TRPM3: variants seen among roughly 807,000 people sequenced by gnomAD.
TRPM3 encodes transient receptor potential cation channel subfamily M member 3.
A neutral mutation model predicts 181.2 loss-of-function variants in TRPM3; 77 were observed. The ratio of observed to expected loss-of-function variants is 0.42; its 90% CI spans 0.35 to 0.51. TRPM3 has a LOEUF of 0.51. Ranked by LOEUF, TRPM3 falls within the 20% of genes least tolerant of loss-of-function variation. The pLI, the probability that TRPM3 is intolerant of heterozygous loss-of-function variation, is 0.01. For synonymous variants in TRPM3, 745 were observed against 796.4 expected (o/e 0.94, Z 1.09); for missense variants, 1,759 against 2,196.7 (o/e 0.80, Z 3.98).
intron 1 of TRPM3, among the ~76,000 whole-genome samples, chr9:71,113,413 G>C (rs1264677058): frequency 2.0e-5 from 3 of 152,160 alleles, no homozygotes; most frequent in Non-Finnish European, 4.4e-5. Context: ...AGATAGTATA[G>C]AGGAAAAGGA....
intron 1 of TRPM3, among the ~76,000 whole-genome samples, chr9:71,179,749 T>G (rs2077292227): frequency 6.6e-6 from 1 of 152,142 alleles, no homozygotes; most frequent in Non-Finnish European, 1.5e-5. Flanking sequence ...AACCTACATA[T>G]ATTCCCATCA....
At chr9:71,172,257 A>G (rs2076903782) in intron 1 of TRPM3, among the ~76,000 whole-genome samples, 1 of 152,098 alleles carries the variant, frequency 6.6e-6, no homozygotes, top group Non-Finnish European at 1.5e-5. Context: ...TTGAAACTGT[A>G]GAATTTAGCC....
rs139465863 is a variant in TRPM3 at position 70,595,550 on chromosome 9, G to A, written c.3048+2869C>T. On this transcript the variant is annotated intron_variant, in intron 21 of 25. Coordinates refer to ENST00000677713, the MANE Select transcript of TRPM3 (RefSeq NM_001366145.2). The stretch of plus-strand genomic sequence containing the variant: ...AGCAGTGTCAAGGTTGAGAAAATGT[G>A]GCCTAATTTTATAGCTATTATAGTT... Among the ~76,000 whole-genome samples the A allele has an allele frequency of 4.0e-3, 614 of 152,226 alleles. 3 individuals are homozygous for A. The highest frequency in any genetic ancestry group is 6.0e-3 in the South Asian group (29 of 4,824).
At chr9:70,973,458 A>G (rs533555888) in intron 1 of TRPM3, among the ~76,000 whole-genome samples, 1 of 152,304 alleles carries the variant, frequency 6.6e-6, no homozygotes, top group African/African-American at 2.4e-5. Context: ...TTAGGCCATT[A>G]ATATCCTACA....
At chr9:70,747,747 C>T (rs11142562) in intron 8 of TRPM3, among the ~76,000 whole-genome samples, 2 of 151,834 alleles carry the variant, frequency 1.3e-5, no homozygotes, top group Admixed American at 6.6e-5. Context: ...TACTATCTGC[C>T]ACTTTACAGA....
chr9:70,553,147 A>T lies in TRPM3; in HGVS notation c.3374+13T>A. ...TCCTCATCCATCCCACGTGCTCCAA[A>T]GGACCCACTTACTTAAAGACAGCAA... On this transcript the variant is annotated intron_variant, in intron 23 of 25. Transcript: ENST00000677713. The T allele has an allele frequency of 6.2e-7, 1 of 1,614,156 alleles. No homozygotes were observed. Among genetic ancestry groups the T allele is most frequent in the South Asian group, 1.1e-5 (1 of 91,080 alleles).
intron 1 of TRPM3, among the ~76,000 whole-genome samples, chr9:71,371,926 C>T (rs554710481): frequency 3.9e-5 from 6 of 152,162 alleles, no homozygotes; most frequent in Non-Finnish European, 8.8e-5. Context: ...CAGATCCTCT[C>T]ATCACCTAGG....
intron 1 of TRPM3, among the ~76,000 whole-genome samples, chr9:71,351,559 G>T (rs1179801278): frequency 6.6e-6 from 1 of 152,094 alleles, no homozygotes; most frequent in East Asian, 1.9e-4. Flanking sequence ...ATAAATCATT[G>T]TCTTTTTAAA....
intron 1 of TRPM3, among the ~76,000 whole-genome samples, chr9:71,067,010 C>T (rs761494700): frequency 3.9e-5 from 6 of 152,136 alleles, no homozygotes; most frequent in Non-Finnish European, 7.3e-5. Flanking sequence ...GTTAGTGCCA[C>T]GGTACCACAT....
intron 1 of TRPM3, among the ~76,000 whole-genome samples, chr9:71,080,964 C>G (rs1402075547): frequency 6.6e-6 from 1 of 152,052 alleles, no homozygotes; most frequent in Non-Finnish European, 1.5e-5. Context: ...ATTCTGGAAT[C>G]AACTGTGTAC....
intron 1 of TRPM3, among the ~76,000 whole-genome samples, chr9:70,876,304 CATATATAGACATAT>C (rs1357097410): frequency 1.5e-5 from 2 of 132,758 alleles, no homozygotes; most frequent in East Asian, 4.8e-4. Flanking sequence ...TAGACATATA[CATATATAGACATAT>C]ATATATATAA....
chr9:70,897,891 T>C (rs1025377955), intron 1 of TRPM3, among the ~76,000 whole-genome samples: 14 of 152,200 alleles, frequency 9.2e-5, no homozygotes, highest in Non-Finnish European at 2.9e-5. Context: ...TGGTAAATTA[T>C]AGCAAGGCTC....
intron 1 of TRPM3, among the ~76,000 whole-genome samples, chr9:71,313,384 T>C (rs890662689): frequency 6.6e-6 from 1 of 152,166 alleles, no homozygotes; most frequent in African/African-American, 2.4e-5. Flanking sequence ...AATTTCTAGA[T>C]GACCTGTCTG....
chr9:70,663,607 T>C (rs1164045387), intron 9 of TRPM3, among the ~76,000 whole-genome samples: 1 of 152,222 alleles, frequency 6.6e-6, no homozygotes, highest in Non-Finnish European at 1.5e-5. Context: ...ATTTATATTA[T>C]GGTCTCTACT....
intron 1 of TRPM3, among the ~76,000 whole-genome samples, chr9:70,986,631 G>C (rs1356020867): frequency 6.6e-6 from 1 of 152,118 alleles, no homozygotes; most frequent in African/African-American, 2.4e-5. Context: ...AGTTAAATTA[G>C]TAAGTGAATT....
chr9:71,211,860 G>C (rs895354547), intron 1 of TRPM3, among the ~76,000 whole-genome samples: 2 of 152,294 alleles, frequency 1.3e-5, no homozygotes, highest in Non-Finnish European at 2.9e-5. Flanking sequence ...GTCACGTTCT[G>C]AGGTACTGTG....
chr9:70,999,219 A>AAT (rs2097574386), intron 1 of TRPM3, among the ~76,000 whole-genome samples: 1 of 152,234 alleles, frequency 6.6e-6, no homozygotes, highest in South Asian at 2.1e-4. Context: ...GAAGGCTAGT[A>AAT]ATATACTGTC....
intron 1 of TRPM3, among the ~76,000 whole-genome samples, chr9:70,882,943 TCTTGACTG>T (rs1486911794): frequency 6.6e-6 from 1 of 152,212 alleles, no homozygotes; most frequent in African/African-American, 2.4e-5. Context: ...GTGACTTTGT[TCTTGACTG>T]GGTACAATTT....
At chr9:71,071,814 C>T (rs78256516) in intron 1 of TRPM3, among the ~76,000 whole-genome samples, 2,844 of 152,246 alleles carry the variant, frequency 0.019, 59 homozygotes, top group East Asian at 0.078. Context: ...TACTAATAAC[C>T]GCCTGTGACA....
Sources: gnomAD v4.1 joint callset for allele counts (sites outside exome capture counted in the v4.1 genomes callset) on GRCh38, gnomAD v4.1.1 for gene constraint, MANE v1.5 for transcripts, NCBI Gene and HGNC (gene_info 2026-07-23, HGNC 2026-07-21) for gene names.